The following MVB12B variants were observed in gnomAD, a reference collection of about 807,000 sequenced individuals.
MVB12B encodes the protein ESCRT-I complex subunit MVB12B.
A neutral mutation model predicts 41.6 loss-of-function variants in MVB12B; 16 were observed. That is an observed-to-expected ratio of 0.38 (90% CI 0.26 to 0.58). The LOEUF (loss-of-function observed/expected upper bound fraction) is 0.58. Among genes scored for constraint, MVB12B ranks in the 20% least tolerant of loss-of-function variants. The pLI, the probability that MVB12B is intolerant of heterozygous loss-of-function variation, is 0.62. For synonymous variants in MVB12B, 133 were observed against 139.7 expected, an observed-to-expected ratio of 0.95 and a Z score of 0.34; for missense variants, 274 against 380.2, an observed-to-expected ratio of 0.72 and a Z score of 2.32.
intron 7 of MVB12B, among the ~76,000 whole-genome samples, chr9:126,446,189 TA>T (rs1030652046): frequency 1.3e-5 from 2 of 152,066 alleles, no homozygotes; most frequent in African/African-American, 4.8e-5. Flanking sequence ...GAGTTTCATA[TA>T]AAAAAATTTG....
In MVB12B at chr9:126,505,804, G is replaced by A. The variant is rs1403483110; in HGVS notation, c.*2541G>A. The A allele has an allele frequency of 6.6e-6, 1 of 152,084 alleles. No homozygotes were observed. The highest frequency in any genetic ancestry group is 1.5e-5 in the Non-Finnish European group (1 of 68,030). 9.4% of individuals were successfully genotyped at this position (152,084 alleles called of 1,614,324 possible). Reference sequence around the variant, plus strand: ...TTGAGAGCGTTTCTGTCTTTTGGGAGAGTACTTTTCTCCACGAGCCCTCTG... The same window carrying A: ...TTGAGAGCGTTTCTGTCTTTTGGGAAAGTACTTTTCTCCACGAGCCCTCTG... On this transcript the variant is annotated 3_prime_UTR_variant, in exon 10 of 10. Coordinates refer to ENST00000361171, the MANE Select transcript of MVB12B (RefSeq NM_033446.3).
At chr9:126,332,058 T>C (rs529653714) in intron 1 of MVB12B, among the ~76,000 whole-genome samples, 1 of 152,330 alleles carries the variant, frequency 6.6e-6, no homozygotes, top group South Asian at 2.1e-4. Context: ...TTTTATAAGC[T>C]TGTTTCAGAG....
intron 6 of MVB12B, among the ~76,000 whole-genome samples, chr9:126,404,278 C>T (rs1327666546): frequency 6.6e-6 from 1 of 152,142 alleles, no homozygotes; most frequent in East Asian, 1.9e-4. Flanking sequence ...CTAATAATAG[C>T]TCTGTGAGTC....
chr9:126,458,435 G>A lies in MVB12B; in HGVS notation c.758-22934G>A, dbSNP rs1362472240. On this transcript the variant is annotated intron_variant, in intron 7 of 9. Transcript: ENST00000361171. ...GCTTTCTGACCCCTGGCCGGAGCCA[G>A]CATCCTCACTCAACACTGGCTCTTA... Among the ~76,000 whole-genome samples the A allele has an allele frequency of 3.3e-5, 5 of 152,226 alleles. No individual in the cohort carries two copies. In the East Asian group the frequency reaches 9.6e-4, roughly 29 times the overall value.
chr9:126,368,124 T>C (rs2118915613), intron 2 of MVB12B, among the ~76,000 whole-genome samples: 1 of 152,330 alleles, frequency 6.6e-6, no homozygotes, highest in Middle Eastern at 3.4e-3. Flanking sequence ...GATTACTTTG[T>C]ACTGACCAAA....
In MVB12B at chr9:126,389,682, G is replaced by A. The variant is rs912284349; in HGVS notation, c.410-2384G>A. ...TCTCTTCTTCGTGCTTTCTAAGGCC[G>A]ATCTGATCAGCTGATAATCTTTGAA... is the stretch of plus-strand genomic sequence containing the variant. On this transcript the variant is annotated intron_variant, in intron 4 of 9. Coordinates refer to ENST00000361171, the MANE Select transcript of MVB12B (RefSeq NM_033446.3). The surrounding 1 kb of genome is among the most constrained non-coding windows in gnomAD (Gnocchi z 4.4). Among the ~76,000 whole-genome samples, 1 of 152,068 alleles carries A rather than the reference G, an allele frequency of 6.6e-6. No individual in the cohort carries two copies. Among genetic ancestry groups the A allele is most frequent in the African/African-American group, 2.4e-5 (1 of 41,410 alleles).
intron 7 of MVB12B, among the ~76,000 whole-genome samples, chr9:126,471,203 G>A (rs1409848627): frequency 1.3e-5 from 2 of 152,224 alleles, no homozygotes; most frequent in Non-Finnish European, 2.9e-5. Flanking sequence ...GCTGTGGTCA[G>A]GCTGTTCTTT....
intron 1 of MVB12B, among the ~76,000 whole-genome samples, chr9:126,332,365 T>C (rs557120590): frequency 6.6e-6 from 1 of 152,272 alleles, no homozygotes; most frequent in African/African-American, 2.4e-5. Context: ...CCAGTCTCAG[T>C]CCCAGCCTGA....
At chr9:126,418,494 A>G (rs1488631693) in intron 6 of MVB12B, among the ~76,000 whole-genome samples, 1 of 152,222 alleles carries the variant, frequency 6.6e-6, no homozygotes, top group African/African-American at 2.4e-5. Context: ...TTGTAGGCTC[A>G]TGATCATTTC....
At chr9:126,499,846 G>A (rs1190879037) in intron 9 of MVB12B, among the ~76,000 whole-genome samples, 2 of 152,272 alleles carry the variant, frequency 1.3e-5, no homozygotes, top group East Asian at 1.9e-4. Context: ...AGGAAGGGGC[G>A]CCTTCTCCGC....
chr9:126,347,698 G>T (rs80251580), intron 2 of MVB12B, among the ~76,000 whole-genome samples: 1 of 152,180 alleles, frequency 6.6e-6, no homozygotes, highest in African/African-American at 2.4e-5. Context: ...GTTCAAACAA[G>T]CTTGCATTTT....
intron 7 of MVB12B, among the ~76,000 whole-genome samples, chr9:126,479,455 G>A (rs1399342164): frequency 6.6e-6 from 1 of 152,196 alleles, no homozygotes; most frequent in African/African-American, 2.4e-5. Context: ...CTGTGAAGCA[G>A]CATACACGCA....
intron 7 of MVB12B, among the ~76,000 whole-genome samples, chr9:126,427,864 G>A (rs1039862139): frequency 7.2e-5 from 11 of 152,170 alleles, no homozygotes; most frequent in African/African-American, 2.4e-4. Context: ...AAGTGAAGGG[G>A]GCACACAATT....
intron 6 of MVB12B, among the ~76,000 whole-genome samples, chr9:126,416,116 T>A (rs1193329409): frequency 1.3e-5 from 2 of 152,220 alleles, no homozygotes; most frequent in African/African-American, 4.8e-5. Context: ...TTCATCCTGA[T>A]GCAGAGGAAA....
chr9:126,437,010 G>C (rs1057200032), intron 7 of MVB12B, among the ~76,000 whole-genome samples: 1 of 152,182 alleles, frequency 6.6e-6, no homozygotes, highest in Admixed American at 6.5e-5. Flanking sequence ...TCCACAGAGA[G>C]CTGTCTTATG....
chr9:126,412,329 A>G (rs73595669), intron 6 of MVB12B, among the ~76,000 whole-genome samples: 9,209 of 152,226 alleles, frequency 0.06, 311 homozygotes, highest in Middle Eastern at 0.11. Context: ...GTGGAATTTC[A>G]TTTAGCCATT....
chr9:126,501,416 C>G (rs1204078789), intron 9 of MVB12B, among the ~76,000 whole-genome samples: 1 of 152,212 alleles, frequency 6.6e-6, no homozygotes, highest in Non-Finnish European at 1.5e-5. Flanking sequence ...TGCACCCTGC[C>G]AGGCAGCAGA....
intron 7 of MVB12B, among the ~76,000 whole-genome samples, chr9:126,461,985 G>A (rs76450100): frequency 0.012 from 1,824 of 152,314 alleles, 17 homozygotes; most frequent in Non-Finnish European, 0.019. Flanking sequence ...AAGAGGCTTC[G>A]CTGAGTCTGT....
chr9:126,432,610 C>T (rs1832359398), intron 7 of MVB12B, among the ~76,000 whole-genome samples: 1 of 152,196 alleles, frequency 6.6e-6, no homozygotes, highest in Non-Finnish European at 1.5e-5. Flanking sequence ...ACTTGCCATG[C>T]ATTATGTTAT....
Sources: gnomAD v4.1 joint callset for allele counts (sites outside exome capture counted in the v4.1 genomes callset) on GRCh38, gnomAD v4.1.1 for gene constraint, Gnocchi (gnomAD v3.1) non-coding constraint, MANE v1.5 for transcripts, NCBI Gene and HGNC (gene_info 2026-07-23, HGNC 2026-07-21) for gene names.